The following MYO1F variants were observed in gnomAD, a reference collection of about 807,000 sequenced individuals.
MYO1F encodes the protein myosin IF.
In MYO1F, 60 loss-of-function variants were observed where a neutral mutation model predicts 146.6. The observed-to-expected ratio is 0.41, with a 90% CI of 0.33 to 0.51. MYO1F has a LOEUF of 0.51. Among genes scored for constraint, MYO1F ranks in the 20% least tolerant of loss-of-function variants. MYO1F has a pLI of 0.25. For missense variants in MYO1F, 1,274 were observed against 1,534.3 expected, an observed-to-expected ratio of 0.83 and a Z score of 2.83; for synonymous variants, 602 against 602.1, an observed-to-expected ratio of 1.00 and a Z score of 0.00.
chr19:8,558,566 C>T (rs926125883), intron 1 of MYO1F, among the ~76,000 whole-genome samples: 5 of 152,038 alleles, frequency 3.3e-5, no homozygotes, highest in South Asian at 2.1e-4. Flanking sequence ...CCTTTTAGCC[C>T]GACTGAATTT....
chr19:8,545,763 G>A, intron 12 of MYO1F, 27 bp from the exon 13 acceptor site: 1 of 1,576,666 alleles, frequency 6.3e-7, no homozygotes, highest in Non-Finnish European at 8.7e-7. Context: ...GGTGGATGTG[G>A]GGGCCAGTGA....
At chr19:8,560,898 C>T (rs189337130) in intron 1 of MYO1F, among the ~76,000 whole-genome samples, 329 of 152,090 alleles carry the variant, frequency 2.2e-3, no homozygotes, top group Non-Finnish European at 3.5e-3. Flanking sequence ...GCCACCACGG[C>T]GGCTAATTTT....
chr19:8,567,372 T>A (rs1034264480), intron 1 of MYO1F, among the ~76,000 whole-genome samples: 1 of 150,398 alleles, frequency 6.6e-6, no homozygotes, highest in Non-Finnish European at 1.5e-5. Flanking sequence ...GCCCACTGGG[T>A]CTATTTTTTT....
At chr19:8,536,043 C>G (rs530672611) in intron 19 of MYO1F, among the ~76,000 whole-genome samples, 1 of 151,502 alleles carries the variant, frequency 6.6e-6, no homozygotes, top group South Asian at 2.1e-4. Flanking sequence ...GTCTATTAAT[C>G]TCTCACTTGC....
intron 21 of MYO1F, among the ~76,000 whole-genome samples, chr19:8,529,121 C>G (rs1046053968): frequency 6.6e-6 from 1 of 152,086 alleles, no homozygotes; most frequent in Non-Finnish European, 1.5e-5. Flanking sequence ...GAGGAGGCAC[C>G]TGCCACATAA....
chr19:8,537,395 T>A (rs1305527525), intron 16 of MYO1F, among the ~76,000 whole-genome samples: 1 of 152,180 alleles, frequency 6.6e-6, no homozygotes, highest in Non-Finnish European at 1.5e-5. Flanking sequence ...TTTCTTTTTG[T>A]CCTTTGGGGA....
intron 1 of MYO1F, among the ~76,000 whole-genome samples, chr19:8,574,933 T>G (rs11670066): frequency 0.44 from 66,939 of 150,520 alleles, 15,648 homozygotes; most frequent in East Asian, 0.74. Context: ...TTTTTGTATT[T>G]TTAGTAGAGA....
At chr19:8,523,324 C>T (rs968273822) in intron 25 of MYO1F, among the ~76,000 whole-genome samples, 7 of 151,840 alleles carry the variant, frequency 4.6e-5, no homozygotes, top group East Asian at 2.0e-4. Flanking sequence ...TGAGCCACCG[C>T]GCCTGGCCAA....
At chr19:8,566,476 C>G (rs2042007165) in intron 1 of MYO1F, among the ~76,000 whole-genome samples, 1 of 145,804 alleles carries the variant, frequency 6.9e-6, no homozygotes, top group Admixed American at 6.9e-5. Flanking sequence ...CTGGTCTATG[C>G]TTTTTAAAAA....
At chr19:8,565,702 C>T (rs924014387) in intron 1 of MYO1F, among the ~76,000 whole-genome samples, 4 of 151,940 alleles carry the variant, frequency 2.6e-5, no homozygotes. Context: ...ACAGCTGTGT[C>T]AGTGGGTGGG....
chr19:8,551,541 G>A (rs1490876568), intron 8 of MYO1F, 199 bp downstream of exon 8: 4 of 657,378 alleles, frequency 6.1e-6, no homozygotes, highest in South Asian at 3.5e-5. Flanking sequence ...AAGTAGAGAC[G>A]GGGTTTAACC....
intron 4 of MYO1F, among the ~76,000 whole-genome samples, chr19:8,553,894 A>ACACACTCTCTCT: frequency 2.1e-4 from 22 of 102,672 alleles, no homozygotes; most frequent in Admixed American, 3.2e-4. Flanking sequence ...ACACACACAC[A>ACACACTCTCTCT]CTCTCTCTCT....
chr19:8,547,773 G>C, intron 12 of MYO1F: 1 of 486,386 alleles, frequency 2.1e-6, no homozygotes, highest in Non-Finnish European at 3.8e-6. Context: ...TCATGGCTGT[G>C]TCTCCAAGCA....
chr19:8,571,044 A>C (rs1342777292), intron 1 of MYO1F, among the ~76,000 whole-genome samples: 1 of 152,150 alleles, frequency 6.6e-6, no homozygotes, highest in African/African-American at 2.4e-5. Context: ...GGCCAGGAGG[A>C]AGGGCTGGAG....
intron 25 of MYO1F, among the ~76,000 whole-genome samples, chr19:8,524,032 T>C (rs1408831779): frequency 6.8e-6 from 1 of 146,860 alleles, no homozygotes; most frequent in East Asian, 2.1e-4. Context: ...GGCAGGAGAA[T>C]TGCTTCAACC....
intron 1 of MYO1F, among the ~76,000 whole-genome samples, chr19:8,567,221 C>T (rs887205208): frequency 3.3e-5 from 5 of 151,718 alleles, no homozygotes; most frequent in East Asian, 3.9e-4. Context: ...CACCCACCAC[C>T]AAGCCTGCTA....
At chr19:8,550,458 AT>A in intron 9 of MYO1F, 102 bp from the exon 10 acceptor site, 1 of 1,601,732 alleles carries the variant, frequency 6.2e-7, no homozygotes, top group Non-Finnish European at 8.5e-7. Flanking sequence ...TGACACCCAC[AT>A]TTTTTTCCTC....
chr19:8,547,361 T>C (rs1393973603), intron 12 of MYO1F, among the ~76,000 whole-genome samples: 1 of 146,274 alleles, frequency 6.8e-6, no homozygotes, highest in Non-Finnish European at 1.5e-5. Flanking sequence ...ATCCCAGCAC[T>C]TTGGGAGGCT....
At chr19:8,561,438 CCCTT>C (rs1171105028) in intron 1 of MYO1F, among the ~76,000 whole-genome samples, 5 of 123,728 alleles carry the variant, frequency 4.0e-5, no homozygotes, top group East Asian at 3.5e-4. Context: ...TCCTCTCCCT[CCCTT>C]CCTTCCTCCC....
Sources: gnomAD v4.1 joint callset for allele counts (sites outside exome capture counted in the v4.1 genomes callset) on GRCh38, gnomAD v4.1.1 for gene constraint, MANE v1.5 for transcripts, NCBI Gene and HGNC (gene_info 2026-07-23, HGNC 2026-07-21) for gene names.